The following PMS1 variants were observed in gnomAD, a reference collection of about 807,000 sequenced individuals.
PMS1 encodes PMS1 protein homolog 1.
PMS1 carries 79 observed loss-of-function variants against 93.1 expected under a neutral mutation model. The observed-to-expected ratio is 0.85, with a 90% confidence interval of 0.71 to 1.02. The LOEUF (loss-of-function observed/expected upper bound fraction) is 1.02. Among genes scored for constraint, PMS1 ranks in the 50% least tolerant of loss-of-function variants. PMS1 has a pLI of 0.00. For missense variants in PMS1, 1,064 were observed against 1,085.3 expected, an observed-to-expected ratio of 0.98 and a Z score of 0.28; for synonymous variants, 335 against 363.4, an observed-to-expected ratio of 0.92 and a Z score of 0.89.
At chr2:189,850,080 A>C (rs1434099196) in intron 6 of PMS1, among the ~76,000 whole-genome samples, 1 of 152,154 alleles carries the variant, frequency 6.6e-6, no homozygotes, top group Non-Finnish European at 1.5e-5. Flanking sequence ...TTTTGCAGTC[A>C]TAACATCTTT....
Position 189,853,951 on chromosome 2 carries a change from C to G in PMS1, c.835C>G (p.His279Asp), listed in dbSNP as rs1187579275. 1 of 1,578,758 alleles carries G rather than the reference C, an allele frequency of 6.3e-7. No individual in the cohort carries two copies. Among genetic ancestry groups the G allele is most frequent in the Non-Finnish European group, 8.7e-7 (1 of 1,153,816 alleles). ...CATGTATTTCTAGTTAATCCGACATCATTACAATCTGAAATGCCTAAAGGA... is the reference window on the plus strand; with the variant it reads ...CATGTATTTCTAGTTAATCCGACATGATTACAATCTGAAATGCCTAAAGGA... ...QKDILKLIRH[H>D]YNLKCLKEST... The change falls in exon 8 of 13, where the codon CAT becomes GAT. Residue 279 changes from histidine to aspartate, a missense_variant. By Grantham distance (81) the His-to-Asp change is moderately conservative. Coordinates refer to ENST00000441310, the MANE Select transcript of PMS1 (RefSeq NM_000534.5).
At chr2:189,868,813 T>C (rs1296584391) in intron 11 of PMS1, among the ~76,000 whole-genome samples, 1 of 152,188 alleles carries the variant, frequency 6.6e-6, no homozygotes, top group Non-Finnish European at 1.5e-5. Context: ...TTACTTGATT[T>C]TTGTGATTTT....
intron 1 of PMS1, among the ~76,000 whole-genome samples, chr2:189,790,347 C>T (rs947651283): frequency 2.0e-5 from 3 of 152,178 alleles, no homozygotes; most frequent in African/African-American, 7.2e-5. Context: ...TCTCAGCCAA[C>T]ATTACACTCA....
At chr2:189,821,863 A>G (rs1165475711) in intron 5 of PMS1, among the ~76,000 whole-genome samples, 2 of 152,248 alleles carry the variant, frequency 1.3e-5, no homozygotes, top group Non-Finnish European at 2.9e-5. Context: ...TTCACGTGAT[A>G]AAAATGAATA....
rs5743104 is a variant in PMS1, at chr2:189,841,975, T to A, written c.583-1989T>A. Among the ~76,000 whole-genome samples the A allele has an allele frequency of 4.0e-5, 6 of 151,302 alleles. No homozygotes were observed. The South Asian group carries it at 1.3e-3, about 32-fold the overall frequency. ...ACCTGCTTGCTAGTGTACCCATTCT[T>A]CCCCTTCAGTTTCCTGGTCAAATGT... is the stretch of plus-strand genomic sequence containing the variant. On this transcript the variant is annotated intron_variant, in intron 5 of 12. Coordinates refer to ENST00000441310, the MANE Select transcript of PMS1 (RefSeq NM_000534.5).
intron 1 of PMS1, among the ~76,000 whole-genome samples, chr2:189,785,088 T>G (rs1222845671): frequency 6.6e-6 from 1 of 152,148 alleles, no homozygotes; most frequent in Admixed American, 6.5e-5. Context: ...CTTGATTAGG[T>G]TTTTTTGGAA....
At chr2:189,799,614 A>G (rs1382350698) in intron 3 of PMS1, among the ~76,000 whole-genome samples, 1 of 152,250 alleles carries the variant, frequency 6.6e-6, no homozygotes, top group East Asian at 1.9e-4. Flanking sequence ...AAGGAAATAC[A>G]GAGCTAGCTG....
chr2:189,873,706 C>T (rs552164787), intron 12 of PMS1, 50 bp downstream of exon 12: 54 of 1,375,486 alleles, frequency 3.9e-5, no homozygotes, highest in South Asian at 3.8e-4. Context: ...TCCCAACTCC[C>T]GGGCCAAGCC....
intron 3 of PMS1, among the ~76,000 whole-genome samples, chr2:189,799,111 T>C (rs2049642313): frequency 6.6e-6 from 1 of 152,244 alleles, no homozygotes; most frequent in Non-Finnish European, 1.5e-5. Context: ...TTTGTCTTTG[T>C]TTTATTTTGA....
intron 6 of PMS1, among the ~76,000 whole-genome samples, chr2:189,845,600 T>C (rs2054188241): frequency 1.3e-5 from 2 of 152,292 alleles, no homozygotes; most frequent in African/African-American, 2.4e-5. Flanking sequence ...ACCCCACTTA[T>C]TTCTTATTTG....
Position 189,849,058 on chromosome 2 carries a change from G to A in PMS1, c.700-3597G>A, listed in dbSNP as rs1232659590. Among the ~76,000 whole-genome samples the A allele has an allele frequency of 2.0e-5, 3 of 152,120 alleles. No individual in the cohort carries two copies. In the East Asian group the frequency reaches 5.8e-4, roughly 29 times the overall value. ...TATTGGCCATTAAGGAACCTTGGAT[G>A]TGGAGAATCTTTATATATCTCTTCC... On this transcript the variant is annotated intron_variant, in intron 6 of 12. Coordinates refer to ENST00000441310, the MANE Select transcript of PMS1 (RefSeq NM_000534.5).
At chr2:189,790,506 C>T (rs1204081071) in intron 1 of PMS1, among the ~76,000 whole-genome samples, 1 of 152,156 alleles carries the variant, frequency 6.6e-6, no homozygotes, top group African/African-American at 2.4e-5. Context: ...GTAGTTGGCA[C>T]AGACATTTAA....
At chr2:189,855,784 A>G (rs527916727) in intron 9 of PMS1, 3 of 462,198 alleles carry the variant, frequency 6.5e-6, no homozygotes, top group East Asian at 1.1e-4. Flanking sequence ...GATTTTCTGA[A>G]TAAATGTTCC....
intron 11 of PMS1, among the ~76,000 whole-genome samples, chr2:189,868,631 C>G (rs1234734389): frequency 6.6e-6 from 1 of 152,110 alleles, no homozygotes; most frequent in Non-Finnish European, 1.5e-5. Flanking sequence ...CCCTTCCTGC[C>G]TCTAAACTTG....
At chr2:189,842,538 C>T (rs565898869) in intron 5 of PMS1, among the ~76,000 whole-genome samples, 1 of 152,202 alleles carries the variant, frequency 6.6e-6, no homozygotes, top group South Asian at 2.1e-4. Context: ...CTCTCTGGAC[C>T]ATGATTGTCT....
rs55938962 is a variant in PMS1 at position 189,867,719 on chromosome 2, G to A, written c.2343-80G>A. ...TTAATGATGATAACACTTGTCAAAGGGCCCTAGGATTAACTTTTTCCCGTA... is the reference window on the plus strand; with the variant it reads ...TTAATGATGATAACACTTGTCAAAGAGCCCTAGGATTAACTTTTTCCCGTA... On this transcript the variant is annotated intron_variant, in intron 10 of 12. Coordinates refer to ENST00000441310, the MANE Select transcript of PMS1 (RefSeq NM_000534.5). 9.4e-6 allele frequency: 9 copies of A among 956,466 alleles called. No individual in the cohort carries two copies. The East Asian group carries it at 2.0e-4, about 21-fold the overall frequency. 59.2% of individuals were successfully genotyped at this position (956,466 alleles called of 1,614,324 possible).
chr2:189,784,777 G>C (rs2048121028), intron 1 of PMS1, 184 bp downstream of exon 1: 1 of 152,498 alleles, frequency 6.6e-6, no homozygotes, highest in African/African-American at 2.4e-5. Context: ...GCAGGTCTGG[G>C]CTCCGGGGTG....
rs374473894 is a variant in PMS1 at position 189,844,083 on chromosome 2, A to G, written c.699+3A>G. 3 of 1,613,386 alleles carry G rather than the reference A, an allele frequency of 1.9e-6. No individual in the cohort carries two copies. The highest frequency in any genetic ancestry group is 2.7e-5 in the African/African-American group (2 of 74,922). On this transcript the variant is annotated splice_donor_region_variant and intron_variant, in intron 6 of 12. Coordinates refer to ENST00000441310, the MANE Select transcript of PMS1 (RefSeq NM_000534.5). ...AGTACCACTCTGAAGAATCTCAGGT[A>G]TACTGCAAAAACATTCTCAGATAAT...
intron 6 of PMS1, among the ~76,000 whole-genome samples, chr2:189,850,492 A>G (rs977591663): frequency 6.6e-6 from 1 of 152,216 alleles, no homozygotes; most frequent in African/African-American, 2.4e-5. Flanking sequence ...GAAGATGGTA[A>G]GCACTGGGGA....
Sources: allele counts gnomAD v4.1 joint callset (sites outside exome capture counted in the v4.1 genomes callset), GRCh38; gene constraint gnomAD v4.1.1; transcripts MANE v1.5; gene names NCBI Gene and HGNC (gene_info 2026-07-23, HGNC 2026-07-21).